LRP6: variants seen among roughly 807,000 people sequenced by gnomAD.
LRP6 encodes LDL receptor related protein 6.
LRP6 carries 43 observed loss-of-function variants against 184.1 expected under a neutral mutation model. That is an observed-to-expected ratio of 0.23 (90% confidence interval 0.18 to 0.30). The LOEUF (loss-of-function observed/expected upper bound fraction) is 0.30, where lower values mean the gene tolerates loss of function less well. LRP6 is among the 10% of genes least tolerant of loss of function. The pLI is 1.00. For synonymous variants in LRP6, 719 were observed against 684.9 expected, an observed-to-expected ratio of 1.05 and a Z score of -0.78; for missense variants, 1,571 against 2,005.3, an observed-to-expected ratio of 0.78 and a Z score of 4.14.
Position 12,149,243 on chromosome 12 carries a change from A to G in LRP6, c.2995-90T>C, listed in dbSNP as rs898588509. ...TCACAATGCTTACACCTACATGGGC[A>G]CACAGCTGAGAAGGCTCTCTCAAGT... On this transcript the variant is annotated intron_variant, in intron 13 of 22. Coordinates refer to ENST00000261349, the MANE Select transcript of LRP6 (RefSeq NM_002336.3). 4.1e-6 allele frequency: 4 copies of G among 974,766 alleles called. No individual in the cohort carries two copies. The African/African-American group carries it at 6.4e-5, about 16-fold the overall frequency. The allele number at this position is 974,766 out of a possible 1,614,324, so 60.4% of individuals were successfully genotyped here.
chr12:12,152,134 A>T (rs1950089734), intron 12 of LRP6, among the ~76,000 whole-genome samples: 1 of 152,008 alleles, frequency 6.6e-6, no homozygotes, highest in Non-Finnish European at 1.5e-5. Context: ...TGCTGTTCCC[A>T]TAATAGTGAA....
In LRP6 at chr12:12,124,655, T is replaced by C. The variant is rs1332119058; in HGVS notation, c.4457A>G (p.Asn1486Ser). Residue 1486 changes from asparagine to serine, a missense_variant, in exon 22 of 23, where the codon AAC (asparagine) becomes AGC (serine). Transcript: ENST00000261349. Reference protein sequence around the residue: ...TKGTYFPAILNPPPSPATERS... With the variant: ...TKGTYFPAILSPPPSPATERS... ...CTCTGTGGCTGGGGATGGTGGAGGG[T>C]TCAAAATCTAAAAGAAAAAAATAAT... 6.2e-7 allele frequency: 1 copy of C among 1,605,740 alleles called. No individual in the cohort carries two copies. The highest frequency in any genetic ancestry group is 1.1e-5 in the South Asian group (1 of 89,916).
intron 15 of LRP6, among the ~76,000 whole-genome samples, chr12:12,141,592 G>C (rs911738095): frequency 1.3e-5 from 2 of 152,162 alleles, no homozygotes; most frequent in Non-Finnish European, 2.9e-5. Flanking sequence ...AGCAGGTTCA[G>C]CATCTGTATA....
At chr12:12,177,064 T>A (rs1207391592) in intron 7 of LRP6, among the ~76,000 whole-genome samples, 4 of 152,176 alleles carry the variant, frequency 2.6e-5, no homozygotes, top group South Asian at 2.1e-4. Flanking sequence ...GCCAGGCTGG[T>A]CTCGAACTCC....
At chr12:12,253,965 G>A (rs778449259) in intron 1 of LRP6, among the ~76,000 whole-genome samples, 5 of 151,706 alleles carry the variant, frequency 3.3e-5, no homozygotes, top group Non-Finnish European at 5.9e-5. Context: ...GCAACTTGGC[G>A]AAACCCCTTC....
intron 2 of LRP6, among the ~76,000 whole-genome samples, chr12:12,221,625 AT>A (rs1005101986): frequency 6.6e-6 from 1 of 152,158 alleles, no homozygotes; most frequent in Non-Finnish European, 1.5e-5. Context: ...AGGAATCAAT[AT>A]TTTTTTAACA....
chr12:12,216,671 GA>G (rs746746038), intron 2 of LRP6, among the ~76,000 whole-genome samples: 32 of 146,138 alleles, frequency 2.2e-4, no homozygotes, highest in Admixed American at 4.8e-4. Flanking sequence ...AAAAAAAAAA[GA>G]AAAGAAAAGC....
intron 1 of LRP6, among the ~76,000 whole-genome samples, chr12:12,257,059 A>C (rs1013575571): frequency 6.6e-6 from 1 of 152,200 alleles, no homozygotes; most frequent in African/African-American, 2.4e-5. Context: ...CAGAGTAAGC[A>C]AATCCATAGA....
chr12:12,213,311 C>T (rs1454288950), intron 2 of LRP6, among the ~76,000 whole-genome samples: 2 of 151,992 alleles, frequency 1.3e-5, no homozygotes, highest in Non-Finnish European at 2.9e-5. Flanking sequence ...TATTTTGCAT[C>T]ACTTTTTTAT....
At chr12:12,202,314 C>T (rs1421528311) in intron 3 of LRP6, among the ~76,000 whole-genome samples, 1 of 152,154 alleles carries the variant, frequency 6.6e-6, no homozygotes, top group Non-Finnish European at 1.5e-5. Flanking sequence ...AGGCCGAGGC[C>T]GGTGAATCAC....
At chr12:12,264,964 C>T (rs1343151859) in intron 1 of LRP6, among the ~76,000 whole-genome samples, 1 of 152,148 alleles carries the variant, frequency 6.6e-6, no homozygotes, top group Non-Finnish European at 1.5e-5. Context: ...ACAAACCCAG[C>T]TCTGGTCTCA....
At chr12:12,147,251 T>A in intron 15 of LRP6, 115 bp downstream of exon 15, 1 of 1,166,780 alleles carries the variant, frequency 8.6e-7, no homozygotes, top group Admixed American at 2.0e-5. Context: ...CTGACTACAT[T>A]TAATGAATAA....
At chr12:12,183,893 T>C in intron 5 of LRP6, 87 bp downstream of exon 5, 2 of 1,243,868 alleles carry the variant, frequency 1.6e-6, no homozygotes, top group Non-Finnish European at 2.4e-6. Flanking sequence ...CAAAGCAGTA[T>C]AACCTAGAGA....
chr12:12,182,661 C>A (rs1269209553), intron 5 of LRP6, among the ~76,000 whole-genome samples: 1 of 152,212 alleles, frequency 6.6e-6, no homozygotes, highest in East Asian at 1.9e-4. Context: ...CACTCTAGAG[C>A]TAATTATAAA....
At chr12:12,172,964 T>C (rs1244004291) in intron 7 of LRP6, among the ~76,000 whole-genome samples, 2 of 152,230 alleles carry the variant, frequency 1.3e-5, no homozygotes, top group African/African-American at 4.8e-5. Context: ...TAAGTGATTT[T>C]AAATATGAAA....
intron 2 of LRP6, among the ~76,000 whole-genome samples, chr12:12,224,795 A>G (rs1429437371): frequency 6.6e-6 from 1 of 152,198 alleles, no homozygotes; most frequent in Non-Finnish European, 1.5e-5. Context: ...GTCTTTCATA[A>G]TAAATAACAG....
At chr12:12,235,042 G>C (rs1021352449) in intron 2 of LRP6, among the ~76,000 whole-genome samples, 1 of 152,054 alleles carries the variant, frequency 6.6e-6, no homozygotes, top group East Asian at 1.9e-4. Flanking sequence ...TGGGGAAGAA[G>C]AACACTTTCC....
chr12:12,253,807 C>A (rs1461114195), intron 1 of LRP6, among the ~76,000 whole-genome samples: 1 of 152,094 alleles, frequency 6.6e-6, no homozygotes, highest in Non-Finnish European at 1.5e-5. Context: ...CCTGAAAGCA[C>A]TTGCAAATCA....
intron 1 of LRP6, 70 bp downstream of exon 1, chr12:12,266,611 C>T: frequency 7.7e-7 from 1 of 1,299,908 alleles, no homozygotes; most frequent in Non-Finnish European, 1.1e-6. Context: ...CTCCCCTCCC[C>T]CTAGACACAT....
Sources: allele counts gnomAD v4.1 joint callset (sites outside exome capture counted in the v4.1 genomes callset), GRCh38; gene constraint gnomAD v4.1.1; transcripts MANE v1.5; gene names NCBI Gene and HGNC (gene_info 2026-07-23, HGNC 2026-07-21).